STAG2: variants seen among roughly 807,000 people sequenced by gnomAD.
The protein encoded by STAG2 is STAG2 cohesin complex component, also known as cohesin subunit SA-2.
Under a neutral mutation model 108.1 loss-of-function variants are expected in STAG2, and 14 were observed. The observed-to-expected ratio is 0.13, with a 90% CI of 0.09 to 0.20. STAG2 has a LOEUF of 0.20. Among genes scored for constraint, STAG2 ranks in the 10% least tolerant of loss-of-function variants. The pLI is 1.00. For missense variants in STAG2, 440 were observed against 940.9 expected (o/e 0.47, Z 6.96); for synonymous variants, 307 against 302.7 (o/e 1.01, Z -0.15).
At chrX:123,983,141 G>A (rs904711211) in intron 1 of STAG2, among the ~76,000 whole-genome samples, 1 of 110,886 alleles carries the variant, frequency 9.0e-6, no homozygotes, top group African/African-American at 3.3e-5. Context: ...TTTCAGCAAG[G>A]TATTGTGAAT....
chrX:123,972,866 C>CAAAAAAAAAAAAAA lies in STAG2; in HGVS notation c.-163+11022_-163+11035dup, dbSNP rs747333406. On this transcript the variant is annotated intron_variant, in intron 1 of 34. Coordinates refer to ENST00000371145, the MANE Select transcript of STAG2 (RefSeq NM_001042750.2). Reference sequence around the variant, plus strand: ...AAACTCCCCCCCTCTACCAAAAATACAAAAAAAAAAAAAAAAAAAAAAAAA... The same window carrying CAAAAAAAAAAAAAA: ...AAACTCCCCCCCTCTACCAAAAATACAAAAAAAAAAAAAAAAAAAAAAAAAAAAAAAAAAAAAAA... 5.4e-3 allele frequency among the ~76,000 whole-genome samples: 119 copies of CAAAAAAAAAAAAAA among 21,887 alleles called. 8 individuals are homozygous for CAAAAAAAAAAAAAA. Among genetic ancestry groups the CAAAAAAAAAAAAAA allele is most frequent in the East Asian group, 8.2e-3 (4 of 489 alleles). The allele number at this position is 21,887 out of a possible 115,157, so 19.0% of individuals were successfully genotyped here.
intron 1 of STAG2, among the ~76,000 whole-genome samples, chrX:123,994,168 A>G (rs1250212929): frequency 2.7e-5 from 3 of 111,875 alleles, no homozygotes; most frequent in Non-Finnish European, 5.6e-5. Context: ...GGAAGTGGAC[A>G]CATTCAAAGA....
chrX:124,061,414 G>A, intron 16 of STAG2, 73 bp downstream of exon 16: 1 of 743,928 alleles, frequency 1.3e-6, no homozygotes, highest in Non-Finnish European at 2.0e-6. Flanking sequence ...CCATTTATTT[G>A]TCCTTTTAGT....
chrX:124,083,639 A>C, intron 29 of STAG2, 90 bp downstream of exon 29: 1 of 770,829 alleles, frequency 1.3e-6, no homozygotes, highest in East Asian at 3.8e-5. Context: ...TTCTACTCAC[A>C]CAGAATTGTA....
chrX:123,968,379 G>A (rs982796964), intron 1 of STAG2, among the ~76,000 whole-genome samples: 3 of 112,228 alleles, frequency 2.7e-5, no homozygotes, highest in Non-Finnish European at 5.6e-5. Flanking sequence ...AAATAAGTTG[G>A]CTGGGCGTGG....
At chrX:123,981,995 C>T (rs1380685572) in intron 1 of STAG2, among the ~76,000 whole-genome samples, 3 of 110,814 alleles carry the variant, frequency 2.7e-5, no homozygotes, top group African/African-American at 9.9e-5. Context: ...ACCTCACTAC[C>T]CCTGGCCACC....
At chrX:124,078,245 A>G (rs2058850420) in intron 27 of STAG2, among the ~76,000 whole-genome samples, 187 bp downstream of exon 27, 1 of 112,275 alleles carries the variant, frequency 8.9e-6, no homozygotes, top group Middle Eastern at 4.2e-3. Flanking sequence ...ATAGCTATCT[A>G]AGGTATGGAG....
chrX:124,057,802 ATTT>A (rs1412249575), intron 14 of STAG2, 61 bp from the exon 15 acceptor site: 1 of 761,700 alleles, frequency 1.3e-6, no homozygotes, highest in Admixed American at 3.6e-5. Context: ...GAAACAGTTA[ATTT>A]TTTTATTAGA....
chrX:124,067,911 A>G (rs763379748), intron 23 of STAG2, among the ~76,000 whole-genome samples: 17 of 110,580 alleles, frequency 1.5e-4, no homozygotes, highest in Non-Finnish European at 3.0e-4. Context: ...ATGCACCTGT[A>G]ATCTCAGCTA....
intron 12 of STAG2, 37 bp from the exon 13 acceptor site, chrX:124,051,278 T>C (rs1407388377): frequency 1.3e-5 from 15 of 1,173,688 alleles, no homozygotes; most frequent in Non-Finnish European, 1.7e-5. Context: ...TTTCTCTTGC[T>C]TTCCTTTTAA....
chrX:124,018,313 A>G (rs1474924206), intron 1 of STAG2, among the ~76,000 whole-genome samples: 1 of 112,250 alleles, frequency 8.9e-6, no homozygotes, highest in African/African-American at 3.2e-5. Context: ...GGTGAGTTTG[A>G]TTTTTAAACT....
Position 124,040,514 on chromosome X carries a change from T to A in STAG2, c.386-2055T>A, listed in dbSNP as rs779441082. ...ATACCTGCCTCAAGAGTTAAATGAA[T>A]GGAGTTTGTGATAGCTACTTTCTTT... is the stretch of plus-strand genomic sequence containing the variant. On this transcript the variant is annotated intron_variant, in intron 6 of 34. Transcript: ENST00000371145. Among the ~76,000 whole-genome samples the A allele has an allele frequency of 6.4e-5, 7 of 110,134 alleles. No individual in the cohort carries two copies. The East Asian group carries it at 2.0e-3, about 32-fold the overall frequency.
At chrX:124,096,913 T>C (rs1485268220) in intron 34 of STAG2, among the ~76,000 whole-genome samples, 1 of 112,517 alleles carries the variant, frequency 8.9e-6, no homozygotes, top group Non-Finnish European at 1.9e-5. Context: ...GCTCAGTGGC[T>C]CATGCCTGTA....
intron 5 of STAG2, among the ~76,000 whole-genome samples, chrX:124,032,971 G>T (rs2057394258): frequency 8.9e-6 from 1 of 112,344 alleles, no homozygotes; most frequent in South Asian, 3.6e-4. Context: ...GGCTAATAAA[G>T]AACAGTTTTA....
In STAG2 at chrX:124,019,021, G is replaced by A. The variant is rs766002572; in HGVS notation, c.-162-2346G>A. 7.6e-5 allele frequency among the ~76,000 whole-genome samples: 8 copies of A among 105,594 alleles called. No homozygotes were observed. The East Asian group carries it at 2.1e-3, about 27-fold the overall frequency. 91.7% of individuals were successfully genotyped at this position (105,594 alleles called of 115,157 possible). A position where few individuals can be genotyped will look rare whatever the true frequency, so the allele number is the denominator to read the frequency against. The stretch of plus-strand genomic sequence containing the variant: ...AAATAAGTCATTTAGAGAATGACTA[G>A]CAAACACTCGGATACATGGAATTTA... On this transcript the variant is annotated intron_variant, in intron 1 of 34. Transcript: ENST00000371145.
intron 1 of STAG2, among the ~76,000 whole-genome samples, chrX:124,006,564 G>A (rs1173287213): frequency 1.9e-5 from 2 of 107,444 alleles, no homozygotes; most frequent in African/African-American, 3.4e-5. Context: ...TCAGCCTCCC[G>A]AGTAGCTGGG....
rs1225614353 is a variant in STAG2, at chrX:124,047,401, A to G, written c.715A>G (p.Ile239Val). 2 of 1,203,867 alleles carry G rather than the reference A, an allele frequency of 1.7e-6. No homozygotes were observed. Among genetic ancestry groups the G allele is most frequent in the African/African-American group, 1.7e-5 (1 of 57,500 alleles). The change falls in exon 9 of 35, where the codon ATT becomes GTT. Residue 239 changes from isoleucine to valine, a missense_variant. Physicochemically the swap from Ile to Val is conservative, Grantham distance 29. This residue lies in a region of STAG2 where 69 missense variants were observed against 254.9 expected (regional missense o/e 0.27). Transcript: ENST00000371145. ...ALVNVALNLS[I>V]NMDNTQRQYE... ...GGTGAATGTGGCACTAAATCTTAGC[A>G]TTAATATGGATAATACACAAAGACA...
At chrX:124,089,145 G>A (rs1308038116) in intron 30 of STAG2, among the ~76,000 whole-genome samples, 3 of 109,583 alleles carry the variant, frequency 2.7e-5, no homozygotes, top group Non-Finnish European at 5.7e-5. Flanking sequence ...TCCTGACCTC[G>A]TGATCCGCCT....
rs758613233 is a variant in STAG2, at chrX:124,037,509, T to G, written c.289-18T>G. ...ATTAGAAGAAGCTAATGATTTTATT[T>G]TTTTCCCTCTGCTGTAGTCGGTGGT... On this transcript the variant is annotated intron_variant, in intron 5 of 34. Coordinates refer to ENST00000371145, the MANE Select transcript of STAG2 (RefSeq NM_001042750.2). 9.2e-7 allele frequency: 1 copy of G among 1,081,594 alleles called. No homozygotes were observed. Among genetic ancestry groups the G allele is most frequent in the Admixed American group, 2.7e-5 (1 of 36,433 alleles). The allele number at this position is 1,081,594 out of a possible 1,213,427, so 89.1% of individuals were successfully genotyped here.
Sources: allele counts gnomAD v4.1 joint callset (sites outside exome capture counted in the v4.1 genomes callset), GRCh38; gene constraint gnomAD v4.1.1; regional missense constraint gnomAD v4.1.1; transcripts MANE v1.5; gene names NCBI Gene and HGNC (gene_info 2026-07-23, HGNC 2026-07-21).